EGFLAM: variants seen among roughly 807,000 people sequenced by gnomAD.
EGFLAM encodes the protein pikachurin.
In EGFLAM, 79 loss-of-function variants were observed where a neutral mutation model predicts 113.1. That is an observed-to-expected ratio of 0.70 (90% CI 0.58 to 0.84). EGFLAM has a LOEUF of 0.84. Ranked by LOEUF, EGFLAM falls within the 40% of genes least tolerant of loss-of-function variation. The probability of loss-of-function intolerance (pLI) is 0.00; values close to 1 mark genes in which losing one functional copy is unlikely to be tolerated. For missense variants in EGFLAM, 1,265 were observed against 1,291.6 expected (o/e 0.98, Z 0.32); for synonymous variants, 504 against 487.6 (o/e 1.03, Z -0.44).
At chr5:38,356,411 G>A (rs918373511) in intron 5 of EGFLAM, among the ~76,000 whole-genome samples, 1 of 152,182 alleles carries the variant, frequency 6.6e-6, no homozygotes, top group Non-Finnish European at 1.5e-5. Context: ...GACACTCAGC[G>A]TGTATCTGTT....
intron 18 of EGFLAM, among the ~76,000 whole-genome samples, chr5:38,450,393 C>T (rs1333787105): frequency 6.6e-6 from 1 of 152,140 alleles, no homozygotes. Flanking sequence ...TCTGGGAAGC[C>T]TAGATAATAG....
At chr5:38,432,951 A>T (rs1481066530) in intron 15 of EGFLAM, among the ~76,000 whole-genome samples, 1 of 152,108 alleles carries the variant, frequency 6.6e-6, no homozygotes, top group Non-Finnish European at 1.5e-5. Flanking sequence ...GGGTGAATGG[A>T]GCTGACTGGA....
At chr5:38,449,853 A>C (rs896521061) in intron 18 of EGFLAM, among the ~76,000 whole-genome samples, 3 of 152,214 alleles carry the variant, frequency 2.0e-5, no homozygotes, top group Non-Finnish European at 4.4e-5. Context: ...CAAGGAGTCC[A>C]GACTTACACT....
intron 1 of EGFLAM, among the ~76,000 whole-genome samples, chr5:38,270,750 T>C (rs1254067272): frequency 1.3e-5 from 2 of 152,216 alleles, no homozygotes; most frequent in Non-Finnish European, 2.9e-5. Flanking sequence ...TTTTGTGTGA[T>C]AAATAAATGA....
chr5:38,287,378 T>C (rs1370876003), intron 1 of EGFLAM, among the ~76,000 whole-genome samples: 1 of 152,194 alleles, frequency 6.6e-6, no homozygotes, highest in Non-Finnish European at 1.5e-5. Context: ...CCTTTTTTTT[T>C]CGTTTGTTTT....
chr5:38,360,499 G>A (rs1739890508), intron 5 of EGFLAM, among the ~76,000 whole-genome samples: 1 of 152,168 alleles, frequency 6.6e-6, no homozygotes, highest in South Asian at 2.1e-4. Flanking sequence ...AGGGGAGGCA[G>A]TATCGATGGA....
chr5:38,326,530 A>C (rs1380504420), intron 1 of EGFLAM, among the ~76,000 whole-genome samples: 3 of 150,306 alleles, frequency 2.0e-5, no homozygotes, highest in Admixed American at 6.6e-5. Context: ...ACGGAGTCTC[A>C]CTCTGTCACC....
chr5:38,448,945 A>G (rs929743752), intron 18 of EGFLAM, among the ~76,000 whole-genome samples: 3 of 152,206 alleles, frequency 2.0e-5, no homozygotes, highest in African/African-American at 7.2e-5. Flanking sequence ...ATGTGGATAC[A>G]GGGAAATGCC....
intron 6 of EGFLAM, among the ~76,000 whole-genome samples, chr5:38,375,990 G>C (rs2112047784): frequency 6.6e-6 from 1 of 152,260 alleles, no homozygotes; most frequent in Non-Finnish European, 1.5e-5. Flanking sequence ...CACCTGTTTT[G>C]TTTCCAAGAG....
At chr5:38,315,552 C>G (rs1449045913) in intron 1 of EGFLAM, among the ~76,000 whole-genome samples, 5 of 152,100 alleles carry the variant, frequency 3.3e-5, no homozygotes. Flanking sequence ...CTGAACAGAC[C>G]TTATATAGAT....
chr5:38,451,468 T>A lies in EGFLAM; in HGVS notation c.2687+10T>A. 2 of 1,612,996 alleles carry A rather than the reference T, an allele frequency of 1.2e-6. No homozygotes were observed. On this transcript the variant is annotated intron_variant, in intron 19 of 21. Transcript: ENST00000322350. ...GAGCCCTCGTGTTCAGGTAACCCCCTCTCCATCTGCCTTCAGCAGCACCTT... is the reference window on the plus strand; with the variant it reads ...GAGCCCTCGTGTTCAGGTAACCCCCACTCCATCTGCCTTCAGCAGCACCTT...
intron 12 of EGFLAM, among the ~76,000 whole-genome samples, chr5:38,423,437 C>T (rs1311130136): frequency 2.0e-5 from 3 of 152,160 alleles, no homozygotes; most frequent in African/African-American, 4.8e-5. Flanking sequence ...CCTCCCCTCC[C>T]CTACCCCCAC....
chr5:38,431,426 A>G (rs1008353776), intron 15 of EGFLAM, 138 bp downstream of exon 15: 1 of 757,556 alleles, frequency 1.3e-6, no homozygotes, highest in Non-Finnish European at 2.1e-6. Flanking sequence ...CCAGCTCCCC[A>G]CTGGGCAAAT....
chr5:38,349,952 TACACACACACACACACAC>T (rs60439871), intron 3 of EGFLAM, among the ~76,000 whole-genome samples: 1,661 of 144,386 alleles, frequency 0.012, 13 homozygotes, highest in Non-Finnish European at 0.018. Flanking sequence ...GCAGGGGAAG[TACACACACACACACACAC>T]ACACACACAC....
chr5:38,386,659 A>G (rs1427985211), intron 6 of EGFLAM, among the ~76,000 whole-genome samples: 2 of 152,064 alleles, frequency 1.3e-5, no homozygotes, highest in Non-Finnish European at 1.5e-5. Context: ...GGCATGTACC[A>G]CCACTCCCAG....
intron 12 of EGFLAM, among the ~76,000 whole-genome samples, chr5:38,421,599 C>G (rs1035808430): frequency 2.6e-5 from 4 of 152,232 alleles, no homozygotes; most frequent in African/African-American, 9.7e-5. Context: ...GGATCCAGCT[C>G]AGTCCTCATA....
intron 1 of EGFLAM, among the ~76,000 whole-genome samples, chr5:38,301,133 C>A (rs1262526026): frequency 2.0e-5 from 3 of 151,976 alleles, no homozygotes; most frequent in South Asian, 2.1e-4. Flanking sequence ...GTGGTCAGAA[C>A]AATGGTACTG....
In EGFLAM at chr5:38,339,899, C is replaced by T. The variant is rs960150523; in HGVS notation, c.291+1118C>T. ...CATTGGCCGCAGAAGCTGTCAACCC[C>T]AGCCTCTGTAGTTTACTCTCTCAAG... On this transcript the variant is annotated intron_variant, in intron 3 of 21. Transcript: ENST00000322350. Among the ~76,000 whole-genome samples the T allele has an allele frequency of 3.3e-5, 5 of 152,166 alleles. No homozygotes were observed. The South Asian group carries it at 1.0e-3, about 32-fold the overall frequency.
intron 1 of EGFLAM, among the ~76,000 whole-genome samples, chr5:38,269,496 T>TC (rs990299168): frequency 2.1e-4 from 32 of 150,996 alleles, no homozygotes; most frequent in Non-Finnish European, 1.2e-4. Context: ...TCTTTTCTTT[T>TC]TTTTTTTTTT....
Sources: gnomAD v4.1 joint callset for allele counts (sites outside exome capture counted in the v4.1 genomes callset) on GRCh38, gnomAD v4.1.1 for gene constraint, MANE v1.5 for transcripts, NCBI Gene and HGNC (gene_info 2026-07-23, HGNC 2026-07-21) for gene names.